Variants in MACROD1 observed in about 807,000 individuals in gnomAD.
The protein encoded by MACROD1 is ADP-ribose glycohydrolase MACROD1.
MACROD1 carries 31 observed loss-of-function variants against 41.4 expected under a neutral mutation model. The observed-to-expected ratio is 0.75, with a 90% CI of 0.56 to 1.01. MACROD1 has a LOEUF of 1.01. MACROD1 is among the 50% of genes least tolerant of loss of function. The pLI, the probability that MACROD1 is intolerant of heterozygous loss-of-function variation, is 0.00. For synonymous variants in MACROD1, 252 were observed against 203.4 expected (o/e 1.24, Z -2.03); for missense variants, 473 against 460.0 (o/e 1.03, Z -0.26).
intron 3 of MACROD1, among the ~76,000 whole-genome samples, chr11:64,028,767 G>T (rs1188262949): frequency 6.6e-6 from 1 of 152,160 alleles, no homozygotes; most frequent in African/African-American, 2.4e-5. Flanking sequence ...AGGCCTGGCT[G>T]CTGGGGGCAC....
chr11:64,118,264 T>C (rs1945033150), intron 3 of MACROD1: 3 of 1,592,226 alleles, frequency 1.9e-6, no homozygotes, highest in Middle Eastern at 3.3e-4. Context: ...GACGGCGGCA[T>C]CCCCGACATA....
chr11:64,033,994 T>C (rs1485886550), intron 3 of MACROD1, among the ~76,000 whole-genome samples: 2 of 152,260 alleles, frequency 1.3e-5, no homozygotes, highest in African/African-American at 2.4e-5. Flanking sequence ...TATCTAAGTG[T>C]GACATGTCAA....
At chr11:64,034,912 C>G (rs1199738422) in intron 3 of MACROD1, among the ~76,000 whole-genome samples, 1 of 152,112 alleles carries the variant, frequency 6.6e-6, no homozygotes, top group Non-Finnish European at 1.5e-5. Flanking sequence ...TACTTAGTGT[C>G]CCAGCGAATG....
chr11:64,060,988 C>T (rs1040338743), intron 3 of MACROD1, among the ~76,000 whole-genome samples: 7 of 151,950 alleles, frequency 4.6e-5, no homozygotes, highest in African/African-American at 1.4e-4. Flanking sequence ...CCGGGCGGGC[C>T]GGCGTCGACC....
chr11:64,021,871 T>A (rs2134350418), intron 3 of MACROD1, among the ~76,000 whole-genome samples: 1 of 145,176 alleles, frequency 6.9e-6, no homozygotes, highest in South Asian at 2.3e-4. Context: ...AGAATCAACT[T>A]GCACAAGAAT....
At chr11:64,060,825 C>T (rs942899081) in intron 3 of MACROD1, among the ~76,000 whole-genome samples, 1 of 152,216 alleles carries the variant, frequency 6.6e-6, no homozygotes, top group Non-Finnish European at 1.5e-5. Context: ...CCCCGGGTCG[C>T]CCGGGTCCCG....
At chr11:64,072,084 C>T (rs1278879123) in intron 3 of MACROD1, among the ~76,000 whole-genome samples, 1 of 152,234 alleles carries the variant, frequency 6.6e-6, no homozygotes, top group East Asian at 1.9e-4. Flanking sequence ...GAGCCCGAAT[C>T]GAATCGACTG....
At chr11:64,114,343 TGATG>T (rs1445080779) in intron 3 of MACROD1, among the ~76,000 whole-genome samples, 3 of 136,250 alleles carry the variant, frequency 2.2e-5, no homozygotes, top group African/African-American at 8.7e-5. Flanking sequence ...AGTAGATACA[TGATG>T]GATGGATGGA....
At chr11:64,133,070 C>A (rs60377249) in intron 3 of MACROD1, among the ~76,000 whole-genome samples, 44 of 152,202 alleles carry the variant, frequency 2.9e-4, no homozygotes, top group African/African-American at 9.9e-4. Context: ...CCAGCCAGAG[C>A]GCCCTGTGGG....
intron 3 of MACROD1, among the ~76,000 whole-genome samples, chr11:64,113,871 C>CGTGG (rs1944911277): frequency 1.3e-5 from 1 of 77,806 alleles, no homozygotes; most frequent in African/African-American, 4.3e-5. Flanking sequence ...TGGATTGATA[C>CGTGG]ATGGATGGAT....
intron 3 of MACROD1, among the ~76,000 whole-genome samples, chr11:64,125,918 C>T (rs767183012): frequency 1.3e-5 from 2 of 152,164 alleles, no homozygotes; most frequent in East Asian, 3.9e-4. Context: ...CCTCTGTAGA[C>T]GGGAAAAAAC....
chr11:64,052,454 A>G (rs949943086), intron 3 of MACROD1, among the ~76,000 whole-genome samples: 11 of 152,194 alleles, frequency 7.2e-5, no homozygotes, highest in African/African-American at 2.7e-4. Flanking sequence ...TGCTGGGACT[A>G]CAGGGGCAGG....
At chr11:64,060,615 G>A (rs1943881087) in intron 3 of MACROD1, 1 of 152,220 alleles carries the variant, frequency 6.6e-6, no homozygotes, top group African/African-American at 2.4e-5. Flanking sequence ...ATTAGAACTG[G>A]TGAAACTGGG....
intron 3 of MACROD1, among the ~76,000 whole-genome samples, chr11:64,110,460 AAAAG>A (rs1465089487): frequency 3.3e-5 from 5 of 152,086 alleles, no homozygotes; most frequent in South Asian, 2.1e-4. Context: ...AAAAAAAAAA[AAAAG>A]AAAGAAATCA....
chr11:64,065,762 C>A (rs1328438331), intron 3 of MACROD1, among the ~76,000 whole-genome samples: 1 of 146,360 alleles, frequency 6.8e-6, no homozygotes, highest in Non-Finnish European at 1.5e-5. Context: ...TGCACTCCAG[C>A]CTGGGCGACA....
chr11:64,076,539 CATAGTTGCTTCTCTAAG>C (rs917662587), intron 3 of MACROD1, among the ~76,000 whole-genome samples: 11 of 152,278 alleles, frequency 7.2e-5, no homozygotes, highest in African/African-American at 2.6e-4. Context: ...GGTCTGGAGA[CATAGTTGCTTCTCTAAG>C]TTCTCGGCCA....
In MACROD1 at chr11:64,102,006, G is replaced by T. The variant is rs1359101650; in HGVS notation, c.517+49233C>A. Among the ~76,000 whole-genome samples the T allele has an allele frequency of 3.9e-5, 6 of 152,290 alleles. No homozygotes were observed. The East Asian group carries it at 9.6e-4, about 24-fold the overall frequency. On this transcript the variant is annotated intron_variant, in intron 3 of 10. Transcript: ENST00000255681. ...GGCAGCCACCCCCCATCTGGGTGCTGGGCTTATTAAAACATGAACCCTAAT... is the reference window on the plus strand; with the variant it reads ...GGCAGCCACCCCCCATCTGGGTGCTTGGCTTATTAAAACATGAACCCTAAT...
chr11:64,117,504 A>G, intron 3 of MACROD1: 1 of 1,608,852 alleles, frequency 6.2e-7, no homozygotes, highest in South Asian at 1.1e-5. Context: ...GTTTACCCTC[A>G]AGGCCAAAAG....
intron 1 of MACROD1, among the ~76,000 whole-genome samples, chr11:64,160,099 T>C (rs1019222996): frequency 6.6e-5 from 10 of 152,076 alleles, no homozygotes; most frequent in Non-Finnish European, 1.3e-4. Flanking sequence ...TGCATATAGA[T>C]GGAAATACCG....
Sources: allele counts gnomAD v4.1 joint callset (sites outside exome capture counted in the v4.1 genomes callset), GRCh38; gene constraint gnomAD v4.1.1; transcripts MANE v1.5; gene names NCBI Gene and HGNC (gene_info 2026-07-23, HGNC 2026-07-21).